DDX11: variants seen among roughly 807,000 people sequenced by gnomAD.
The protein encoded by DDX11 is DEAD/H-box helicase 11.
DDX11 carries 72 observed loss-of-function variants against 125.2 expected under a neutral mutation model. That is an observed-to-expected ratio of 0.58 (90% CI 0.48 to 0.70). The LOEUF is 0.70. DDX11 is among the 30% of genes least tolerant of loss of function. The pLI is 0.00. For synonymous variants in DDX11, 347 were observed against 452.6 expected (o/e 0.77, Z 2.96); for missense variants, 883 against 1,165.0 (o/e 0.76, Z 3.52).
At chr12:31,078,648 T>C in intron 2 of DDX11, 111 bp downstream of exon 2, 1 of 1,495,328 alleles carries the variant, frequency 6.7e-7, no homozygotes, top group South Asian at 1.2e-5. Flanking sequence ...GGCAGAGTAG[T>C]CTCTGTTTAT....
At chr12:31,085,285 C>T (rs1219543038) in intron 5 of DDX11, among the ~76,000 whole-genome samples, 159 bp downstream of exon 5, 1 of 152,258 alleles carries the variant, frequency 6.6e-6, no homozygotes, top group Admixed American at 6.5e-5. Context: ...TCCATGAGTG[C>T]CAGTGGCAGT....
At chr12:31,077,186 A>T (rs946688817) in intron 1 of DDX11, among the ~76,000 whole-genome samples, 1 of 151,540 alleles carries the variant, frequency 6.6e-6, no homozygotes, top group African/African-American at 2.4e-5. Flanking sequence ...AGTGAGTTCC[A>T]AAGAGAGAGG....
At chr12:31,082,811 T>A (rs938415916) in intron 2 of DDX11, among the ~76,000 whole-genome samples, 2 of 152,166 alleles carry the variant, frequency 1.3e-5, no homozygotes, top group East Asian at 1.9e-4. Context: ...GATCAAGGTG[T>A]CAGCATGCTT....
intron 8 of DDX11, 151 bp downstream of exon 8, chr12:31,089,641 G>A (rs1005778566): frequency 3.3e-5 from 34 of 1,027,788 alleles, no homozygotes; most frequent in Admixed American, 8.0e-5. Context: ...GGGAAAAAGT[G>A]TTCCTACTCT....
chr12:31,095,167 A>ACTTGGGC (rs1945000118), intron 14 of DDX11, among the ~76,000 whole-genome samples: 1 of 152,278 alleles, frequency 6.6e-6, no homozygotes, highest in Admixed American at 6.5e-5. Context: ...ACGTCTTCCC[A>ACTTGGGC]CTTGGGCCTT....
chr12:31,086,134 C>T (rs1331052111), intron 5 of DDX11: 1 of 454,214 alleles, frequency 2.2e-6, no homozygotes, highest in African/African-American at 2.0e-5. Context: ...TGAGGATTTG[C>T]TCATGCAACG....
At chr12:31,088,040 C>G (rs1013033758) in intron 6 of DDX11, 57 bp downstream of exon 6, 2 of 1,601,832 alleles carry the variant, frequency 1.2e-6, no homozygotes. Context: ...GGCTGTGCAC[C>G]CCTGGGGAGG....
rs1941160129 is a variant in DDX11, at chr12:31,078,525, T to C, written c.132T>C (p.Ser44=). The C allele has an allele frequency of 6.2e-7, 1 of 1,611,662 alleles. No individual in the cohort carries two copies. The highest frequency in any genetic ancestry group is 1.1e-5 in the South Asian group (1 of 90,964). ...CTGGCAAGATTGGGATATTTGAGAG[T>C]CCAACTGGCACTGTGAGTATGAACA... is the stretch of plus-strand genomic sequence containing the variant. ...LEAGKIGIFE[S]PTGTGKSLSL... is the part of the protein sequence containing the mutation. The change falls in exon 2 of 27, where the codon AGT becomes AGC. Residue 44 remains serine (S), a synonymous_variant. Coordinates refer to ENST00000542838, the MANE Select transcript of DDX11 (RefSeq NM_030653.4).
intron 1 of DDX11, chr12:31,077,089 T>C (rs972481695): frequency 4.6e-5 from 7 of 152,170 alleles, no homozygotes; most frequent in African/African-American, 1.4e-4. Context: ...AAAGATGGGC[T>C]CTCGATCTAC....
rs1946621613 is a variant in DDX11, at chr12:31,102,800, C to T, written c.2373-136C>T. The T allele has an allele frequency of 5.0e-6, 4 of 800,508 alleles. No homozygotes were observed. In the African/African-American group the frequency reaches 6.8e-5, roughly 14 times the overall value. The allele number at this position is 800,508 out of a possible 1,614,324, so 49.6% of individuals were successfully genotyped here. On this transcript the variant is annotated intron_variant, in intron 23 of 26. Coordinates refer to ENST00000542838, the MANE Select transcript of DDX11 (RefSeq NM_030653.4). ...ACAAGCCCTCTCCAGGTGGTAGGTA[C>T]AGAGTGGAGAGAGGCTGAGTTTTGA...
rs1943454060 is a variant in DDX11, at chr12:31,087,939, G to A, written c.640G>A (p.Val214Met). Residue 214 changes from valine to methionine, a missense_variant and splice_region_variant, in exon 6 of 27, where the codon GTG becomes ATG. Around this residue, in one of 5 missense-constraint regions of DDX11, gnomAD observed 283 missense variants for 359.6 expected, o/e 0.79. Coordinates refer to ENST00000542838, the MANE Select transcript of DDX11 (RefSeq NM_030653.4). ...SDEEKKVASR[V>M]DEDEDDLEEE... ...TTCTGTTCTCTCTCACACACACAGA[G>A]TGGATGAGGATGAGGATGACCTGGA... is the stretch of plus-strand genomic sequence containing the variant. The A allele has an allele frequency of 6.2e-7, 1 of 1,609,386 alleles. No homozygotes were observed. Among genetic ancestry groups the A allele is most frequent in the Non-Finnish European group, 8.5e-7 (1 of 1,178,190 alleles).
Position 31,103,674 on chromosome 12 carries a change from C to A in DDX11, c.2634C>A (p.Ile878=), listed in dbSNP as rs756237547. 3 of 1,614,056 alleles carry A rather than the reference C, an allele frequency of 1.9e-6. No homozygotes were observed. In the South Asian group the frequency reaches 3.3e-5, roughly 18 times the overall value. Residue 878 remains isoleucine (I), a synonymous_variant, in exon 26 of 27, where the codon ATC becomes ATA. Transcript: ENST00000542838. The part of the protein sequence containing the change: ...PPVLAKLPAW[I]RARVEVKATF... ...TCCTGGCCAAGCTGCCGGCCTGGAT[C>A]CGAGCCCGTGTGGAGGTCAAAGCTA...
In DDX11 at chr12:31,078,177, G is replaced by C. The variant is rs1373810493; in HGVS notation, c.-4-213G>C. 1.6e-4 allele frequency: 233 copies of C among 1,497,136 alleles called. 1 individual carries two copies. The highest frequency in any genetic ancestry group is 2.1e-4 in the Non-Finnish European group (229 of 1,112,724). The allele number at this position is 1,497,136 out of a possible 1,614,324, so 92.7% of individuals were successfully genotyped here. ...CTTTCCTGGTCTGCATTCTGCTACAGCCGTTAAATGCCGCTAGATGGAGTG... is the reference window on the plus strand; with the variant it reads ...CTTTCCTGGTCTGCATTCTGCTACACCCGTTAAATGCCGCTAGATGGAGTG... On this transcript the variant is annotated intron_variant, in intron 1 of 26. Coordinates refer to ENST00000542838, the MANE Select transcript of DDX11 (RefSeq NM_030653.4).
At chr12:31,080,891 T>C (rs1157443432) in intron 2 of DDX11, among the ~76,000 whole-genome samples, 1 of 152,208 alleles carries the variant, frequency 6.6e-6, no homozygotes, top group Non-Finnish European at 1.5e-5. Flanking sequence ...ACTACAGGTG[T>C]GCACCATCAC....
At chr12:31,099,967 T>C in intron 18 of DDX11, among the ~76,000 whole-genome samples, 1 of 152,166 alleles carries the variant, frequency 6.6e-6, no homozygotes, top group Non-Finnish European at 1.5e-5. Context: ...GGCATCTTAG[T>C]CAGTTGTCTG....
Position 31,091,980 on chromosome 12 carries a change from G to C in DDX11, c.1242+109G>C, listed in dbSNP as rs2352636. On this transcript the variant is annotated intron_variant, in intron 10 of 26. Coordinates refer to ENST00000542838, the MANE Select transcript of DDX11 (RefSeq NM_030653.4). Reference sequence around the variant, plus strand: ...GTTCCTCCGGAGGTGGGGCTTGATAGAGGGTGCACGAGTCAAGGCGGTGAC... The same window carrying C: ...GTTCCTCCGGAGGTGGGGCTTGATACAGGGTGCACGAGTCAAGGCGGTGAC... 1.3e-5 allele frequency: 20 copies of C among 1,486,980 alleles called. No homozygotes were observed. In the Admixed American group the frequency reaches 3.4e-4, roughly 26 times the overall value. The allele number at this position is 1,486,980 out of a possible 1,614,324, so 92.1% of individuals were successfully genotyped here.
intron 6 of DDX11, among the ~76,000 whole-genome samples, 154 bp from the exon 7 acceptor site, chr12:31,088,890 C>G (rs1031403693): frequency 2.6e-4 from 40 of 152,250 alleles, no homozygotes; most frequent in Non-Finnish European, 4.7e-4. Context: ...TCGATAGATG[C>G]CTGACATGGG....
chr12:31,102,540 TCTGCTCGTCTC>T lies in DDX11; in HGVS notation c.2372+17_2372+27del. ...ACAACCTAGGCCGGTAAGTAGTGGT[TCTGCTCGTCTC>T]CTGGGCCGTGATACATGGCCGGCCC... On this transcript the variant is annotated intron_variant, in intron 23 of 26. Coordinates refer to ENST00000542838, the MANE Select transcript of DDX11 (RefSeq NM_030653.4). 6.2e-7 allele frequency: 1 copy of T among 1,611,186 alleles called. No individual in the cohort carries two copies. The highest frequency in any genetic ancestry group is 8.5e-7 in the Non-Finnish European group (1 of 1,177,340).
At chr12:31,097,017 C>T in intron 17 of DDX11, 27 bp downstream of exon 17, 1 of 1,612,570 alleles carries the variant, frequency 6.2e-7, no homozygotes, top group Non-Finnish European at 8.5e-7. Flanking sequence ...TGGCCAGGTT[C>T]AGTTCCCAGG....
Sources: allele counts gnomAD v4.1 joint callset (sites outside exome capture counted in the v4.1 genomes callset), GRCh38; gene constraint gnomAD v4.1.1; regional missense constraint gnomAD v4.1.1; transcripts MANE v1.5; gene names NCBI Gene and HGNC (gene_info 2026-07-23, HGNC 2026-07-21).